PCDHGA11: variants seen among roughly 807,000 people sequenced by gnomAD.
PCDHGA11 encodes the protein protocadherin gamma subfamily A, 11.
A neutral mutation model predicts 60.4 loss-of-function variants in PCDHGA11; 39 were observed. That is an observed-to-expected ratio of 0.65 (90% confidence interval 0.50 to 0.84). The LOEUF (loss-of-function observed/expected upper bound fraction) is 0.84, where lower values mean the gene tolerates loss of function less well. PCDHGA11 is among the 40% of genes least tolerant of loss of function. The pLI, the probability that PCDHGA11 is intolerant of heterozygous loss-of-function variation, is 0.00. For synonymous variants in PCDHGA11, 533 were observed against 510.3 expected, an observed-to-expected ratio of 1.04 and a Z score of -0.60; for missense variants, 1,165 against 1,197.7, an observed-to-expected ratio of 0.97 and a Z score of 0.40.
intron 1 of PCDHGA11, chr5:141,426,336 C>T (rs779025306): frequency 1.7e-4 from 31 of 187,682 alleles, no homozygotes; most frequent in Non-Finnish European, 2.8e-4. Context: ...GGCAAGCACT[C>T]TTCCCTTTCC....
chr5:141,423,940 G>A (rs937456850), intron 1 of PCDHGA11: 1 of 1,217,098 alleles, frequency 8.2e-7, no homozygotes, highest in Non-Finnish European at 1.0e-6. Flanking sequence ...TTTGAAGTAA[G>A]TTGAATTTTA....
chr5:141,499,466 G>C (rs1337970911), intron 2 of PCDHGA11, among the ~76,000 whole-genome samples: 1 of 152,034 alleles, frequency 6.6e-6, no homozygotes, highest in African/African-American at 2.4e-5. Flanking sequence ...TTACAATCTA[G>C]GGAGAACCAC....
At position 141,477,961 on chromosome 5, in the gene PCDHGA11, C is replaced by G. The variant is rs199947431; in HGVS notation, c.2434-16846C>G. On this transcript the variant is annotated intron_variant, in intron 1 of 3. Transcript: ENST00000398587. The surrounding 1 kb of genome is among the most constrained non-coding windows in gnomAD (Gnocchi z 4.9). ...CCTACAGTCTCTTGGGATCCCCTAA[C>G]CAGAGCCTTTTTGCCATAGGGCTGC... 10 of 1,614,166 alleles carry G rather than the reference C, an allele frequency of 6.2e-6. No individual in the cohort carries two copies. Among genetic ancestry groups the G allele is most frequent in the Middle Eastern group, 3.3e-4 (2 of 6,062 alleles).
At chr5:141,498,012 A>T (rs184213306) in intron 2 of PCDHGA11, among the ~76,000 whole-genome samples, 6 of 152,348 alleles carry the variant, frequency 3.9e-5, no homozygotes, top group Non-Finnish European at 8.8e-5. Context: ...CAGTGCACTG[A>T]AGGAGACAAA....
intron 1 of PCDHGA11, among the ~76,000 whole-genome samples, chr5:141,467,359 A>G (rs997614051): frequency 1.3e-5 from 2 of 151,714 alleles, no homozygotes; most frequent in African/African-American, 4.8e-5. Context: ...GGCCAAATCA[A>G]CGTTTTCTTA....
chr5:141,494,197 C>T (rs73794924), intron 1 of PCDHGA11, among the ~76,000 whole-genome samples: 1,654 of 152,242 alleles, frequency 0.011, 27 homozygotes, highest in African/African-American at 0.037. Flanking sequence ...CTTGGATGCC[C>T]CGCAAAGGCC....
chr5:141,499,599 C>G (rs2099792919), intron 2 of PCDHGA11, among the ~76,000 whole-genome samples: 2 of 152,102 alleles, frequency 1.3e-5, no homozygotes, highest in South Asian at 4.1e-4. Context: ...TCACCTATAT[C>G]CCTACCCTTA....
chr5:141,494,439 C>T (rs1009257996), intron 1 of PCDHGA11, among the ~76,000 whole-genome samples: 1 of 152,126 alleles, frequency 6.6e-6, no homozygotes, highest in Non-Finnish European at 1.5e-5. Flanking sequence ...CCTCCTTTGC[C>T]ACTTTAGGGG....
intron 1 of PCDHGA11, chr5:141,427,833 G>T (rs1345567011): frequency 6.5e-7 from 1 of 1,540,964 alleles, no homozygotes; most frequent in Non-Finnish European, 8.9e-7. Flanking sequence ...CGCGCAGCGT[G>T]CCTTCGACCA....
intron 1 of PCDHGA11, among the ~76,000 whole-genome samples, chr5:141,447,725 C>T (rs1009407606): frequency 1.3e-5 from 2 of 152,174 alleles, no homozygotes; most frequent in African/African-American, 4.8e-5. Context: ...TTTTCCAAAA[C>T]TCATTGAACT....
intron 1 of PCDHGA11, 41 bp from the exon 2 acceptor site, chr5:141,494,766 C>T (rs1017994327): frequency 6.2e-7 from 1 of 1,614,038 alleles, no homozygotes; most frequent in Non-Finnish European, 8.5e-7. Flanking sequence ...ATTCTAACTT[C>T]TCACGGGTAC....
rs751145850 is a variant in PCDHGA11 at position 141,432,148 on chromosome 5, G to A, written c.2433+8488G>A. The A allele has an allele frequency of 6.1e-5, 99 of 1,613,884 alleles. No individual in the cohort carries two copies. The Admixed American group carries it at 1.5e-3, about 24-fold the overall frequency. On this transcript the variant is annotated intron_variant, in intron 1 of 3. Transcript: ENST00000398587. The surrounding 1 kb of genome is among the most constrained non-coding windows in gnomAD (Gnocchi z 6.0). ...CCTCCTATTCCGCTTATATCCCAGA[G>A]AACAATCCCAGAGGAGTTTCCCTCG...
chr5:141,489,904 C>T lies in PCDHGA11; in HGVS notation c.2434-4903C>T, dbSNP rs750411680. On this transcript the variant is annotated intron_variant, in intron 1 of 3. Transcript: ENST00000398587. This position sits in a 1 kb window ranked among gnomAD's most constrained non-coding sequence, Gnocchi z 4.5. ...TGCTGTGGATGGGGGGACCCCAGCC[C>T]GCTCAGGGACCACCCTTATCTCTGT... 1.6e-5 allele frequency: 26 copies of T among 1,614,092 alleles called. No homozygotes were observed. The highest frequency in any genetic ancestry group is 3.3e-5 in the Admixed American group (2 of 60,014).
At chr5:141,483,801 C>CT (rs1486591615) in intron 1 of PCDHGA11, among the ~76,000 whole-genome samples, 8 of 152,168 alleles carry the variant, frequency 5.3e-5, no homozygotes, top group Non-Finnish European at 8.8e-5. Flanking sequence ...GTTGTTGCTG[C>CT]TTTTTTTGGC....
chr5:141,490,611 G>A lies in PCDHGA11; in HGVS notation c.2434-4196G>A, dbSNP rs1442281165. 1 of 1,614,052 alleles carries A rather than the reference G, an allele frequency of 6.2e-7. No homozygotes were observed. The highest frequency in any genetic ancestry group is 1.3e-5 in the African/African-American group (1 of 74,914). On this transcript the variant is annotated intron_variant, in intron 1 of 3. Coordinates refer to ENST00000398587, the MANE Select transcript of PCDHGA11 (RefSeq NM_018914.3). This position sits in a 1 kb window ranked among gnomAD's most constrained non-coding sequence, Gnocchi z 5.4. ...ACAATGCACCCCGCTTCAACCAGCA[G>A]CTTTACACTGCTTACATCCTAGAAA...
chr5:141,494,510 C>T (rs1462702765), intron 1 of PCDHGA11, among the ~76,000 whole-genome samples: 1 of 152,156 alleles, frequency 6.6e-6, no homozygotes, highest in Non-Finnish European at 1.5e-5. Context: ...TGAATTTTGG[C>T]TCAGGAGTTC....
chr5:141,484,883 G>GCC (rs1231530221), intron 1 of PCDHGA11: 2 of 352,506 alleles, frequency 5.7e-6, no homozygotes, highest in Admixed American at 9.0e-5. Flanking sequence ...GATAGGGTGG[G>GCC]CTTTTTCCCC....
In PCDHGA11 at chr5:141,489,223, C is replaced by T. The variant is rs771455540; in HGVS notation, c.2434-5584C>T. The T allele has an allele frequency of 6.6e-7, 1 of 1,515,444 alleles. No homozygotes were observed. The highest frequency in any genetic ancestry group is 1.3e-5 in the South Asian group (1 of 75,776). 93.9% of individuals were successfully genotyped at this position (1,515,444 alleles called of 1,614,324 possible). A position where few individuals can be genotyped will look rare whatever the true frequency, so the allele number is the denominator to read the frequency against. The stretch of plus-strand genomic sequence containing the variant: ...CAGGACAGCACAGACTTACTCTCCA[C>T]AAAGGGACTTCTGGGTCATGGGGCC... On this transcript the variant is annotated intron_variant, in intron 1 of 3. Coordinates refer to ENST00000398587, the MANE Select transcript of PCDHGA11 (RefSeq NM_018914.3). The surrounding 1 kb of genome is among the most constrained non-coding windows in gnomAD (Gnocchi z 4.5).
chr5:141,459,076 C>T (rs1474375780), intron 1 of PCDHGA11, among the ~76,000 whole-genome samples: 1 of 152,144 alleles, frequency 6.6e-6, no homozygotes, highest in Non-Finnish European at 1.5e-5. Context: ...ATAAAATTTG[C>T]CTTTTAAAAT....
Sources: gnomAD v4.1 joint callset for allele counts (sites outside exome capture counted in the v4.1 genomes callset) on GRCh38, gnomAD v4.1.1 for gene constraint, Gnocchi (gnomAD v3.1) non-coding constraint, MANE v1.5 for transcripts, NCBI Gene and HGNC (gene_info 2026-07-23, HGNC 2026-07-21) for gene names.